Variants in TENM3 observed in about 807,000 individuals in gnomAD.
TENM3 encodes the protein teneurin transmembrane protein 3.
Under a neutral mutation model 255.1 loss-of-function variants are expected in TENM3, and 63 were observed. That is an observed-to-expected ratio of 0.25 (90% CI 0.20 to 0.30). The LOEUF (loss-of-function observed/expected upper bound fraction) is 0.30. Among genes scored for constraint, TENM3 ranks in the 10% least tolerant of loss-of-function variants. TENM3 has a pLI of 1.00. For synonymous variants in TENM3, 1,306 were observed against 1,322.3 expected (o/e 0.99, Z 0.27); for missense variants, 2,929 against 3,461.1 (o/e 0.85, Z 3.86).
At chr4:181,959,503 T>C in the TENM3 span, among the ~76,000 whole-genome samples, 1 of 152,220 alleles carries the variant, frequency 6.6e-6, no homozygotes, top group Non-Finnish European at 1.5e-5. Flanking sequence ...AATACAATTG[T>C]ATATTTAAAT....
chr4:182,377,220 C>A (rs1213388170), intron 3 of TENM3, among the ~76,000 whole-genome samples: 1 of 152,140 alleles, frequency 6.6e-6, no homozygotes, highest in Non-Finnish European at 1.5e-5. Context: ...TACACTTGAC[C>A]TAATTTGCAA....
the TENM3 span, among the ~76,000 whole-genome samples, chr4:181,782,684 G>A: frequency 3.4e-4 from 51 of 151,992 alleles, no homozygotes; most frequent in African/African-American, 1.2e-3. Context: ...GTTTGCTCTT[G>A]CTTCTCTAGT....
At chr4:182,684,839 A>G (rs1756452493) in intron 11 of TENM3, among the ~76,000 whole-genome samples, 1 of 152,218 alleles carries the variant, frequency 6.6e-6, no homozygotes, top group Non-Finnish European at 1.5e-5. Context: ...AGTACAATCT[A>G]ATGGCATAAA....
chr4:181,481,313 A>G, the TENM3 span, among the ~76,000 whole-genome samples: 2 of 152,112 alleles, frequency 1.3e-5, no homozygotes, highest in African/African-American at 2.4e-5. Flanking sequence ...TTTCATGCCG[A>G]TGCTATCCAG....
chr4:181,649,831 G>C, the TENM3 span, among the ~76,000 whole-genome samples: 31 of 152,316 alleles, frequency 2.0e-4, no homozygotes, highest in African/African-American at 7.5e-4. Flanking sequence ...CAGTCTCTGT[G>C]AAGTAGAGCT....
chr4:182,695,221 C>T (rs1757311062), intron 12 of TENM3, among the ~76,000 whole-genome samples: 1 of 152,108 alleles, frequency 6.6e-6, no homozygotes, highest in South Asian at 2.1e-4. Context: ...CAACCTTGCG[C>T]CAAACTACCA....
At chr4:182,030,198 A>T in the TENM3 span, among the ~76,000 whole-genome samples, 491 of 152,000 alleles carry the variant, frequency 3.2e-3, 5 homozygotes, top group African/African-American at 0.011. Context: ...TTAGCCCAGC[A>T]TGCATTAGCT....
intron 26 of TENM3, among the ~76,000 whole-genome samples, chr4:182,794,487 G>A (rs1211079365): frequency 6.6e-6 from 1 of 152,094 alleles, no homozygotes; most frequent in Non-Finnish European, 1.5e-5. Context: ...CACCACCATT[G>A]CCTCAGGACA....
At chr4:182,187,394 A>T (rs1159584135) in intron 1 of TENM3, among the ~76,000 whole-genome samples, 1 of 152,236 alleles carries the variant, frequency 6.6e-6, no homozygotes, top group Non-Finnish European at 1.5e-5. Flanking sequence ...GCTTTAAAAG[A>T]TTATGTTCCT....
intron 1 of TENM3, among the ~76,000 whole-genome samples, chr4:182,256,264 C>T (rs558043625): frequency 1.2e-4 from 18 of 152,266 alleles, no homozygotes; most frequent in South Asian, 2.1e-4. Flanking sequence ...AAATTTGAAT[C>T]GATTATGGGC....
the TENM3 span, among the ~76,000 whole-genome samples, chr4:181,681,359 C>T: frequency 1.3e-5 from 2 of 152,016 alleles, no homozygotes; most frequent in Non-Finnish European, 2.9e-5. Context: ...CTGCTTTATG[C>T]TCACAGGCAG....
intron 3 of TENM3, among the ~76,000 whole-genome samples, chr4:182,561,173 A>G (rs969130845): frequency 2.0e-4 from 31 of 152,144 alleles, no homozygotes; most frequent in Non-Finnish European, 4.0e-4. Context: ...GACTCAAAAC[A>G]TTGATGGGAA....
At chr4:181,862,294 G>A in the TENM3 span, among the ~76,000 whole-genome samples, 1 of 151,868 alleles carries the variant, frequency 6.6e-6, no homozygotes, top group African/African-American at 2.4e-5. Context: ...AGAGCTTAGG[G>A]TCACGAAAGG....
chr4:181,605,556 A>AAGGGAGAGAGAG, the TENM3 span, among the ~76,000 whole-genome samples: 4 of 30,462 alleles, frequency 1.3e-4, 1 homozygote, highest in African/African-American at 3.2e-4. Flanking sequence ...GAAAGAAAGA[A>AAGGGAGAGAGAG]AGAAAGAAAG....
intron 3 of TENM3, among the ~76,000 whole-genome samples, chr4:182,425,515 C>T (rs1771137727): frequency 1.3e-5 from 2 of 152,022 alleles, no homozygotes; most frequent in African/African-American, 2.4e-5. Flanking sequence ...GAAATTTTTC[C>T]GTTGTAGTAT....
At chr4:182,509,930 T>G (rs1004950123) in intron 3 of TENM3, among the ~76,000 whole-genome samples, 1 of 111,150 alleles carries the variant, frequency 9.0e-6, no homozygotes, top group African/African-American at 3.3e-5. Context: ...AGAGCAAAAC[T>G]CTGTCTCAAA....
At chr4:182,030,939 T>C in the TENM3 span, among the ~76,000 whole-genome samples, 3 of 152,244 alleles carry the variant, frequency 2.0e-5, no homozygotes, top group Non-Finnish European at 4.4e-5. Flanking sequence ...AAATTCCTTG[T>C]AAATTCTGGG....
the TENM3 span, among the ~76,000 whole-genome samples, chr4:181,688,155 T>C: frequency 6.6e-6 from 1 of 152,162 alleles, no homozygotes; most frequent in Non-Finnish European, 1.5e-5. Flanking sequence ...ATAAATTCCA[T>C]AGTACATAGG....
chr4:182,116,577 T>C, the TENM3 span, among the ~76,000 whole-genome samples: 6 of 152,124 alleles, frequency 3.9e-5, no homozygotes, highest in Non-Finnish European at 8.8e-5. Flanking sequence ...TGAAGAGGTG[T>C]CTTCCATCAT....
Sources: gnomAD v4.1 joint callset for allele counts (sites outside exome capture counted in the v4.1 genomes callset) on GRCh38, gnomAD v4.1.1 for gene constraint, MANE v1.5 for transcripts, NCBI Gene and HGNC (gene_info 2026-07-23, HGNC 2026-07-21) for gene names.